LPP: variants seen among roughly 807,000 people sequenced by gnomAD.
The protein encoded by LPP is lipoma-preferred partner.
LPP carries 38 observed loss-of-function variants against 60.4 expected under a neutral mutation model. The ratio of observed to expected loss-of-function variants is 0.63; its 90% CI spans 0.49 to 0.83. The LOEUF is 0.83. Ranked by LOEUF, LPP falls within the 40% of genes least tolerant of loss-of-function variation. The pLI is 0.00. For synonymous variants in LPP, 328 were observed against 290.8 expected (o/e 1.13, Z -1.30); for missense variants, 902 against 783.6 (o/e 1.15, Z -1.80).
intron 9 of LPP, among the ~76,000 whole-genome samples, chr3:188,789,047 T>A (rs1359009092): frequency 6.6e-6 from 1 of 151,778 alleles, no homozygotes; most frequent in African/African-American, 2.4e-5. Flanking sequence ...ACCTCAGTTA[T>A]TTTTACTGAA....
intron 6 of LPP, among the ~76,000 whole-genome samples, chr3:188,602,728 T>TA (rs113585439): frequency 0.64 from 90,893 of 141,860 alleles, 29,218 homozygotes; most frequent in East Asian, 0.85. Flanking sequence ...GATTATTTAT[T>TA]AAAAAAAAAA....
At chr3:188,194,591 A>C (rs960824572) in intron 1 of LPP, among the ~76,000 whole-genome samples, 1 of 152,228 alleles carries the variant, frequency 6.6e-6, no homozygotes, top group African/African-American at 2.4e-5. Flanking sequence ...CAGGTTGACC[A>C]CAACTTCTGT....
chr3:188,831,163 A>G (rs1016995750), intron 9 of LPP, among the ~76,000 whole-genome samples: 11 of 152,298 alleles, frequency 7.2e-5, no homozygotes, highest in Non-Finnish European at 1.3e-4. Context: ...ATTTTAATGT[A>G]TTCTGGTCCA....
chr3:188,457,170 T>G (rs2149397110), intron 4 of LPP, among the ~76,000 whole-genome samples: 1 of 152,334 alleles, frequency 6.6e-6, no homozygotes, highest in South Asian at 2.1e-4. Flanking sequence ...TTTCTTAGAA[T>G]GCACTGACGT....
intron 9 of LPP, among the ~76,000 whole-genome samples, chr3:188,825,599 A>G (rs77167359): frequency 0.019 from 2,836 of 151,768 alleles, 82 homozygotes; most frequent in African/African-American, 0.064. Flanking sequence ...TGGAATGTGT[A>G]TGTCTCTGCT....
chr3:188,640,076 T>C (rs1849736838), intron 7 of LPP, among the ~76,000 whole-genome samples: 1 of 151,774 alleles, frequency 6.6e-6, no homozygotes, highest in Admixed American at 6.6e-5. Context: ...CACGTATGTT[T>C]ATTGCAGCAT....
intron 7 of LPP, among the ~76,000 whole-genome samples, chr3:188,639,090 G>T (rs1297838832): frequency 6.6e-6 from 1 of 151,842 alleles, no homozygotes; most frequent in African/African-American, 2.4e-5. Flanking sequence ...AAAGCTGGAG[G>T]CATCACGCTA....
In LPP at chr3:188,842,699, T is replaced by C. The variant is rs1157567585; in HGVS notation, c.1411-23501T>C. 6.6e-5 allele frequency among the ~76,000 whole-genome samples: 10 copies of C among 151,994 alleles called. No individual in the cohort carries two copies. In the East Asian group the frequency reaches 9.6e-4, roughly 15 times the overall value. The stretch of plus-strand genomic sequence containing the variant: ...TATTTTATATATTCATATAACAATA[T>C]ATTTATTCATAATATCACTTTGAAT... On this transcript the variant is annotated intron_variant, in intron 9 of 11. Transcript: ENST00000617246.
chr3:188,355,477 A>G (rs553871787), intron 3 of LPP, among the ~76,000 whole-genome samples: 2 of 152,272 alleles, frequency 1.3e-5, no homozygotes, highest in African/African-American at 4.8e-5. Context: ...AGAAATAAGG[A>G]AAGTCCATCT....
At chr3:188,481,406 G>T (rs930686139) in intron 4 of LPP, among the ~76,000 whole-genome samples, 1 of 152,120 alleles carries the variant, frequency 6.6e-6, no homozygotes, top group African/African-American at 2.4e-5. Flanking sequence ...TATCACGAGG[G>T]CTTTTAAACA....
chr3:188,863,240 GAA>G (rs1225689549), intron 9 of LPP, among the ~76,000 whole-genome samples: 1 of 152,164 alleles, frequency 6.6e-6, no homozygotes, highest in East Asian at 1.9e-4. Flanking sequence ...TTTCAAATGA[GAA>G]AACTGAGATC....
At chr3:188,353,270 A>T (rs1766491157) in intron 3 of LPP, among the ~76,000 whole-genome samples, 1 of 152,164 alleles carries the variant, frequency 6.6e-6, no homozygotes, top group East Asian at 1.9e-4. Flanking sequence ...CCTGGAAGAG[A>T]TCTAAACACA....
In LPP at chr3:188,506,942, C is replaced by T. The variant is rs372793108; in HGVS notation, c.307-17723C>T. On this transcript the variant is annotated intron_variant, in intron 5 of 11. Coordinates refer to ENST00000617246, the MANE Select transcript of LPP (RefSeq NM_001375462.1). ...CCTCCCAAGTAGCTGGGACTACAGG[C>T]GCCCACCACCACACCTGGCTAATTT... Among the ~76,000 whole-genome samples, 609 of 152,096 alleles carry T rather than the reference C, an allele frequency of 4.0e-3. 1 individual carries two copies. Among genetic ancestry groups the T allele is most frequent in the Middle Eastern group, 6.8e-3 (2 of 294 alleles).
intron 9 of LPP, among the ~76,000 whole-genome samples, chr3:188,787,201 GTAT>G (rs1195331236): frequency 1.3e-5 from 2 of 151,982 alleles, no homozygotes; most frequent in Non-Finnish European, 2.9e-5. Context: ...GTTTTACAAG[GTAT>G]TATTGTTGGG....
intron 1 of LPP, among the ~76,000 whole-genome samples, chr3:188,190,055 ATTT>A (rs36073619): frequency 4.6e-5 from 6 of 131,050 alleles, no homozygotes; most frequent in African/African-American, 5.6e-5. Flanking sequence ...CATTCTGTGG[ATTT>A]TTTTTTTTTT....
chr3:188,642,940 G>GAA (rs113367421), intron 7 of LPP, among the ~76,000 whole-genome samples: 30 of 149,012 alleles, frequency 2.0e-4, no homozygotes, highest in East Asian at 9.9e-4. Context: ...CCATCTCAGG[G>GAA]AAAAAAAAAA....
At chr3:188,717,300 C>T (rs755559573) in intron 8 of LPP, among the ~76,000 whole-genome samples, 6 of 152,138 alleles carry the variant, frequency 3.9e-5, no homozygotes, top group South Asian at 4.1e-4. Flanking sequence ...GTATAAGGAA[C>T]GATGTGATTA....
rs889374548 is a variant in LPP at position 188,744,484 on chromosome 3, A to G, written c.1241-15629A>G. Among the ~76,000 whole-genome samples, 8 of 152,292 alleles carry G rather than the reference A, an allele frequency of 5.3e-5. No individual in the cohort carries two copies. In the South Asian group the frequency reaches 1.7e-3, roughly 32 times the overall value. On this transcript the variant is annotated intron_variant, in intron 8 of 11. Transcript: ENST00000617246. ...TAATGAAAAGAGCATATTCTTTAAC[A>G]TCAAGCAAACTAAGGTGCAAATTTT...
chr3:188,611,947 A>AC (rs1383633846), intron 7 of LPP, among the ~76,000 whole-genome samples: 2 of 152,222 alleles, frequency 1.3e-5, no homozygotes, highest in Admixed American at 1.3e-4. Context: ...TCACCAACTG[A>AC]CACAGGGAGA....
Sources: gnomAD v4.1 joint callset for allele counts (sites outside exome capture counted in the v4.1 genomes callset) on GRCh38, gnomAD v4.1.1 for gene constraint, MANE v1.5 for transcripts, NCBI Gene and HGNC (gene_info 2026-07-23, HGNC 2026-07-21) for gene names.